The following MAGI2 variants were observed in gnomAD, a reference collection of about 807,000 sequenced individuals.
MAGI2 encodes membrane-associated guanylate kinase, WW and PDZ domain-containing protein 2.
Under a neutral mutation model 133.3 loss-of-function variants are expected in MAGI2, and 35 were observed. The observed-to-expected ratio is 0.26, with a 90% CI of 0.20 to 0.35. The LOEUF is 0.35. Ranked by LOEUF, MAGI2 falls within the 10% of genes least tolerant of loss-of-function variation. The pLI is 1.00. For synonymous variants in MAGI2, 729 were observed against 710.6 expected (o/e 1.03, Z -0.41); for missense variants, 1,636 against 1,863.4 (o/e 0.88, Z 2.25).
chr7:78,679,489 G>T (rs1353729597), intron 2 of MAGI2, among the ~76,000 whole-genome samples: 1 of 152,150 alleles, frequency 6.6e-6, no homozygotes, highest in Non-Finnish European at 1.5e-5. Context: ...GTTAAGTAAT[G>T]TTCTGTATAT....
At chr7:79,029,505 AT>A (rs1419464841) in intron 1 of MAGI2, among the ~76,000 whole-genome samples, 2 of 152,160 alleles carry the variant, frequency 1.3e-5, no homozygotes, top group South Asian at 2.1e-4. Context: ...AAATGTTTAT[AT>A]TTTTTTATTC....
chr7:78,668,975 T>A (rs1813987733), intron 2 of MAGI2, among the ~76,000 whole-genome samples: 2 of 151,806 alleles, frequency 1.3e-5, no homozygotes, highest in African/African-American at 4.8e-5. Flanking sequence ...GAAGGAAAGA[T>A]CCAAAATTGA....
intron 18 of MAGI2, among the ~76,000 whole-genome samples, chr7:78,131,387 T>C (rs964065430): frequency 6.6e-6 from 1 of 152,212 alleles, no homozygotes. Context: ...AATAAGGCTT[T>C]GTAGAAATAC....
intron 1 of MAGI2, among the ~76,000 whole-genome samples, chr7:79,149,733 T>C (rs893662605): frequency 6.6e-6 from 1 of 152,088 alleles, no homozygotes; most frequent in Non-Finnish European, 1.5e-5. Flanking sequence ...CTGGCAGGAA[T>C]TTAGGGTCAT....
Position 79,318,584 on chromosome 7 carries a change from A to G in MAGI2, c.301+134436T>C, listed in dbSNP as rs150667729. Among the ~76,000 whole-genome samples, 174 of 152,276 alleles carry G rather than the reference A, an allele frequency of 1.1e-3. 1 individual carries two copies. Among genetic ancestry groups the G allele is most frequent in the African/African-American group, 3.8e-3 (160 of 41,582 alleles). ...AAATTCTGAATAACTATACTTATCA[A>G]ATTTTTACTCCGACCTAATATATTA... On this transcript the variant is annotated intron_variant, in intron 1 of 21. Coordinates refer to ENST00000354212, the MANE Select transcript of MAGI2 (RefSeq NM_012301.4).
At chr7:78,724,754 C>G (rs1427572063) in intron 2 of MAGI2, among the ~76,000 whole-genome samples, 2 of 151,898 alleles carry the variant, frequency 1.3e-5, no homozygotes, top group Non-Finnish European at 2.9e-5. Flanking sequence ...TGCCAACACA[C>G]TTCCAGCTGG....
intron 6 of MAGI2, among the ~76,000 whole-genome samples, chr7:78,434,641 T>A (rs1025549814): frequency 7.2e-5 from 11 of 152,134 alleles, no homozygotes; most frequent in Non-Finnish European, 1.5e-4. Flanking sequence ...TACCCTCACA[T>A]AAAATGAGAC....
intron 10 of MAGI2, among the ~76,000 whole-genome samples, chr7:78,203,754 C>G (rs557299803): frequency 1.3e-5 from 2 of 152,260 alleles, no homozygotes; most frequent in African/African-American, 4.8e-5. Flanking sequence ...GTGTATCTGT[C>G]AAATTATTAA....
At chr7:78,934,494 C>T (rs756961335) in intron 2 of MAGI2, among the ~76,000 whole-genome samples, 5 of 152,110 alleles carry the variant, frequency 3.3e-5, no homozygotes, top group Non-Finnish European at 7.4e-5. Context: ...GATTGCTTAT[C>T]ATTGGCATAT....
intron 2 of MAGI2, among the ~76,000 whole-genome samples, chr7:78,828,130 C>A (rs1790827241): frequency 6.6e-6 from 1 of 152,204 alleles, no homozygotes; most frequent in East Asian, 1.9e-4. Flanking sequence ...AGTGATCCAC[C>A]CGCCTTGGCC....
At chr7:78,625,096 C>T (rs1300234036) in intron 3 of MAGI2, among the ~76,000 whole-genome samples, 3 of 151,784 alleles carry the variant, frequency 2.0e-5, no homozygotes, top group East Asian at 3.9e-4. Flanking sequence ...CCTGTGTAGG[C>T]CTAGGCTAAT....
At chr7:78,871,797 G>C in intron 2 of MAGI2, among the ~76,000 whole-genome samples, 1 of 151,938 alleles carries the variant, frequency 6.6e-6, no homozygotes, top group Non-Finnish European at 1.5e-5. Flanking sequence ...AACTCTTTAA[G>C]AGTTTCATAA....
At chr7:78,497,766 T>A (rs11971321) in intron 5 of MAGI2, among the ~76,000 whole-genome samples, 30,634 of 134,118 alleles carry the variant, frequency 0.23, 3,841 homozygotes, top group South Asian at 0.44. Flanking sequence ...CTATCTATCT[T>A]TCTATCTTAT....
At chr7:78,852,633 A>T (rs892906258) in intron 2 of MAGI2, among the ~76,000 whole-genome samples, 5 of 152,148 alleles carry the variant, frequency 3.3e-5, no homozygotes, top group Non-Finnish European at 5.9e-5. Flanking sequence ...ATTTTAACAC[A>T]ACACTAATCT....
chr7:78,385,709 G>A (rs1020816194), intron 6 of MAGI2, among the ~76,000 whole-genome samples: 1 of 152,072 alleles, frequency 6.6e-6, no homozygotes, highest in African/African-American at 2.4e-5. Context: ...TTCCATCTTG[G>A]CAATACAGTA....
At chr7:79,237,042 C>G (rs1831975945) in intron 1 of MAGI2, among the ~76,000 whole-genome samples, 1 of 152,076 alleles carries the variant, frequency 6.6e-6, no homozygotes, top group Non-Finnish European at 1.5e-5. Context: ...GAGACTCCAT[C>G]ACTAAAAAGA....
intron 16 of MAGI2, among the ~76,000 whole-genome samples, chr7:78,141,246 A>G (rs1453020003): frequency 1.3e-5 from 2 of 152,154 alleles, no homozygotes; most frequent in Non-Finnish European, 2.9e-5. Context: ...GCACAGAGGA[A>G]TGATGCGAGA....
At chr7:79,316,924 A>T (rs1269108537) in intron 1 of MAGI2, among the ~76,000 whole-genome samples, 4 of 151,658 alleles carry the variant, frequency 2.6e-5, no homozygotes, top group Non-Finnish European at 5.9e-5. Flanking sequence ...TTAGTAGCAG[A>T]GCTGGATCCA....
intron 2 of MAGI2, among the ~76,000 whole-genome samples, chr7:78,797,539 A>G (rs961940309): frequency 2.6e-5 from 4 of 152,142 alleles, no homozygotes; most frequent in African/African-American, 7.2e-5. Flanking sequence ...GAATTTTAAG[A>G]AGAGTAATTG....
Sources: allele counts gnomAD v4.1 joint callset (sites outside exome capture counted in the v4.1 genomes callset), GRCh38; gene constraint gnomAD v4.1.1; transcripts MANE v1.5; gene names NCBI Gene and HGNC (gene_info 2026-07-23, HGNC 2026-07-21).